The following HS3ST4 variants were observed in gnomAD, a reference collection of about 807,000 sequenced individuals.
The protein encoded by HS3ST4 is heparan sulfate glucosamine 3-O-sulfotransferase 4.
In HS3ST4, 17 loss-of-function variants were observed where a neutral mutation model predicts 29.2. The ratio of observed to expected loss-of-function variants is 0.58; its 90% CI spans 0.40 to 0.87. HS3ST4 has a LOEUF of 0.87. Ranked by LOEUF, HS3ST4 falls within the 40% of genes least tolerant of loss-of-function variation. The pLI is 0.00. For synonymous variants in HS3ST4, 314 were observed against 285.7 expected (o/e 1.10, Z -1.00); for missense variants, 627 against 634.5 (o/e 0.99, Z 0.13).
chr16:26,082,122 G>C (rs1013156501), intron 1 of HS3ST4, among the ~76,000 whole-genome samples: 1 of 152,182 alleles, frequency 6.6e-6, no homozygotes, highest in African/African-American at 2.4e-5. Context: ...AATGGGAGGA[G>C]AGGTGGAAAG....
chr16:25,804,872 AATAT>A (rs1475239974), intron 1 of HS3ST4, among the ~76,000 whole-genome samples: 13 of 152,210 alleles, frequency 8.5e-5, no homozygotes, highest in South Asian at 2.1e-4. Context: ...GCTAACACTT[AATAT>A]TAACACTTAA....
At chr16:25,862,606 C>T (rs997138543) in intron 1 of HS3ST4, among the ~76,000 whole-genome samples, 5 of 152,218 alleles carry the variant, frequency 3.3e-5, no homozygotes, top group African/African-American at 1.2e-4. Flanking sequence ...AGTCTGCAAA[C>T]AGTTATTGGT....
At chr16:25,920,163 C>T (rs1350985602) in intron 1 of HS3ST4, among the ~76,000 whole-genome samples, 2 of 152,146 alleles carry the variant, frequency 1.3e-5, no homozygotes, top group Non-Finnish European at 2.9e-5. Context: ...AATCTAGGCC[C>T]CCATCCTATT....
chr16:25,894,854 TATC>T (rs1968044052), intron 1 of HS3ST4, among the ~76,000 whole-genome samples: 1 of 152,196 alleles, frequency 6.6e-6, no homozygotes, highest in Non-Finnish European at 1.5e-5. Flanking sequence ...TTCCTTCTCA[TATC>T]ATTCCATATT....
At chr16:25,890,497 C>T (rs374013888) in intron 1 of HS3ST4, among the ~76,000 whole-genome samples, 1 of 152,290 alleles carries the variant, frequency 6.6e-6, no homozygotes, top group East Asian at 1.9e-4. Context: ...ATCTTTATTT[C>T]CTAGAGGTAT....
chr16:25,997,383 C>A (rs1969166940), intron 1 of HS3ST4, among the ~76,000 whole-genome samples: 1 of 152,084 alleles, frequency 6.6e-6, no homozygotes, highest in Non-Finnish European at 1.5e-5. Flanking sequence ...GTTTTTGATA[C>A]TGAATTAGGT....
chr16:25,696,533 C>G (rs1295487546), intron 1 of HS3ST4, among the ~76,000 whole-genome samples: 1 of 151,330 alleles, frequency 6.6e-6, no homozygotes, highest in African/African-American at 2.4e-5. Context: ...AAGTCTTGCT[C>G]TGTCGCCCAG....
At chr16:25,849,312 A>G (rs920782765) in intron 1 of HS3ST4, among the ~76,000 whole-genome samples, 22 of 152,346 alleles carry the variant, frequency 1.4e-4, no homozygotes, top group African/African-American at 5.0e-4. Context: ...ACGTGTATAC[A>G]TGAACATATC....
intron 1 of HS3ST4, among the ~76,000 whole-genome samples, chr16:26,026,415 AG>A (rs1312318675): frequency 6.6e-6 from 1 of 152,180 alleles, no homozygotes; most frequent in African/African-American, 2.4e-5. Context: ...AGTGGCTCCA[AG>A]GTTGGGTAAT....
intron 1 of HS3ST4, among the ~76,000 whole-genome samples, chr16:25,989,025 G>C (rs7190163): frequency 0.26 from 40,116 of 152,094 alleles, 5,485 homozygotes; most frequent in South Asian, 0.3. Context: ...AGCTCCACTG[G>C]TATGGTGTGG....
At chr16:25,902,824 G>A (rs1968132346) in intron 1 of HS3ST4, among the ~76,000 whole-genome samples, 1 of 151,962 alleles carries the variant, frequency 6.6e-6, no homozygotes, top group South Asian at 2.1e-4. Context: ...ATGCCTGGGT[G>A]CAGTGGCTCA....
intron 1 of HS3ST4, among the ~76,000 whole-genome samples, chr16:25,939,304 T>TTTTTTA (rs1968550168): frequency 1.7e-5 from 2 of 114,580 alleles, no homozygotes; most frequent in African/African-American, 6.7e-5. Flanking sequence ...GCTGACAGCA[T>TTTTTTA]TTATTATTAT....
At chr16:25,883,143 C>T (rs4787341) in intron 1 of HS3ST4, among the ~76,000 whole-genome samples, 9 of 148,126 alleles carry the variant, frequency 6.1e-5, no homozygotes, top group Non-Finnish European at 1.0e-4. Context: ...CTGGCCCATA[C>T]GATTTTTTTT....
chr16:26,019,401 G>A (rs956069515), intron 1 of HS3ST4, among the ~76,000 whole-genome samples: 1 of 152,134 alleles, frequency 6.6e-6, no homozygotes, highest in African/African-American at 2.4e-5. Context: ...ATTAATCCAA[G>A]TGCCTTTTTT....
chr16:26,103,368 A>G (rs1899011561), intron 1 of HS3ST4, among the ~76,000 whole-genome samples: 1 of 152,170 alleles, frequency 6.6e-6, no homozygotes, highest in Admixed American at 6.5e-5. Flanking sequence ...ACTCCAACTC[A>G]AGTTTCTTCT....
intron 1 of HS3ST4, among the ~76,000 whole-genome samples, chr16:25,803,255 T>TACTTCATC (rs1357709127): frequency 6.6e-6 from 1 of 152,174 alleles, no homozygotes; most frequent in Admixed American, 6.6e-5. Context: ...TGTATGGTAT[T>TACTTCATC]ACTTCATCTT....
At chr16:25,805,609 G>A (rs1966982038) in intron 1 of HS3ST4, among the ~76,000 whole-genome samples, 1 of 152,228 alleles carries the variant, frequency 6.6e-6, no homozygotes, top group South Asian at 2.1e-4. Flanking sequence ...ACTGAGCTGG[G>A]CTGTGCCTGA....
chr16:25,719,977 G>A (rs771226332), intron 1 of HS3ST4, among the ~76,000 whole-genome samples: 5 of 152,130 alleles, frequency 3.3e-5, no homozygotes, highest in Non-Finnish European at 7.3e-5. Flanking sequence ...TTCCGTGAGT[G>A]TTATACACAA....
chr16:26,094,898 C>G (rs1400588395), intron 1 of HS3ST4, among the ~76,000 whole-genome samples: 4 of 150,576 alleles, frequency 2.7e-5, no homozygotes, highest in Non-Finnish European at 5.9e-5. Context: ...CACATAGGCT[C>G]AAAATAAAGG....
Sources: allele counts gnomAD v4.1 joint callset (sites outside exome capture counted in the v4.1 genomes callset), GRCh38; gene constraint gnomAD v4.1.1; transcripts MANE v1.5; gene names NCBI Gene and HGNC (gene_info 2026-07-23, HGNC 2026-07-21).